RELN: variants seen among roughly 807,000 people sequenced by gnomAD.
RELN encodes reelin.
RELN carries 108 observed loss-of-function variants against 427.6 expected under a neutral mutation model. The observed-to-expected ratio is 0.25, with a 90% CI of 0.22 to 0.30. The LOEUF is 0.30. Ranked by LOEUF, RELN falls within the 10% of genes least tolerant of loss-of-function variation. The probability of loss-of-function intolerance (pLI) is 1.00; values close to 1 mark genes in which losing one functional copy is unlikely to be tolerated. For missense variants in RELN, 3,715 were observed against 4,302.8 expected, an observed-to-expected ratio of 0.86 and a Z score of 3.82; for synonymous variants, 1,524 against 1,513.4, an observed-to-expected ratio of 1.01 and a Z score of -0.16.
intron 17 of RELN, among the ~76,000 whole-genome samples, chr7:103,637,633 T>A (rs1309041844): frequency 1.3e-5 from 2 of 152,220 alleles, no homozygotes; most frequent in Admixed American, 1.3e-4. Flanking sequence ...TGTCTTGGTA[T>A]CTTAAGTAGC....
At position 103,651,794 on chromosome 7, in the gene RELN, T is replaced by C; in HGVS notation, c.1764-5A>G. Reference sequence around the variant, plus strand: ...GTAGAAAATTCCAAGCTGACACTAATAAAACCAGAACAAGCACACACAAAA... The same window carrying C: ...GTAGAAAATTCCAAGCTGACACTAACAAAACCAGAACAAGCACACACAAAA... On this transcript the variant is annotated splice_region_variant and splice_polypyrimidine_tract_variant and intron_variant, in intron 14 of 64. Coordinates refer to ENST00000428762, the MANE Select transcript of RELN (RefSeq NM_005045.4). 1 of 1,610,792 alleles carries C rather than the reference T, an allele frequency of 6.2e-7. No individual in the cohort carries two copies. Among genetic ancestry groups the C allele is most frequent in the Non-Finnish European group, 8.5e-7 (1 of 1,178,082 alleles).
chr7:103,594,876 T>A (rs1244923276), intron 25 of RELN, among the ~76,000 whole-genome samples: 1 of 152,210 alleles, frequency 6.6e-6, no homozygotes. Flanking sequence ...TTCTTTCTCA[T>A]TGTGGGAAAA....
At chr7:103,939,404 C>A (rs1200408006) in intron 1 of RELN, among the ~76,000 whole-genome samples, 1 of 151,884 alleles carries the variant, frequency 6.6e-6, no homozygotes, top group Non-Finnish European at 1.5e-5. Flanking sequence ...GAAAGAAAAT[C>A]CCAACAGTAG....
intron 33 of RELN, 60 bp downstream of exon 33, chr7:103,566,164 T>C: frequency 4.2e-6 from 6 of 1,426,246 alleles, no homozygotes; most frequent in South Asian, 2.3e-5. Context: ...TCCTGACTTT[T>C]AGTTAATTTA....
At chr7:103,553,418 A>C in intron 40 of RELN, 43 bp downstream of exon 40, 1 of 1,432,176 alleles carries the variant, frequency 7.0e-7, no homozygotes. Flanking sequence ...GGTTTTGTTC[A>C]ATATAAAATT....
At chr7:103,935,453 A>C (rs1419960333) in intron 1 of RELN, among the ~76,000 whole-genome samples, 1 of 151,634 alleles carries the variant, frequency 6.6e-6, no homozygotes. Context: ...ATAACTGGAA[A>C]TTCCTTCTTG....
At chr7:103,776,719 C>G in intron 3 of RELN, 92 bp from the exon 4 acceptor site, 1 of 1,253,276 alleles carries the variant, frequency 8.0e-7, no homozygotes, top group Non-Finnish European at 1.2e-6. Context: ...TATTCTTAAA[C>G]TTTATTGTGT....
chr7:103,939,713 A>G (rs1005265483), intron 1 of RELN, among the ~76,000 whole-genome samples: 3 of 152,236 alleles, frequency 2.0e-5, no homozygotes, highest in African/African-American at 7.2e-5. Context: ...ATTTACAGTA[A>G]TGAAAAACTG....
intron 1 of RELN, among the ~76,000 whole-genome samples, chr7:103,947,373 C>G (rs142131481): frequency 1.3e-5 from 2 of 152,094 alleles, no homozygotes; most frequent in African/African-American, 2.4e-5. Flanking sequence ...GAGGTAAACA[C>G]GTTAAAGTGA....
rs1793610390 is a variant in RELN, at chr7:103,843,726, T to C, written c.338-10054A>G. On this transcript the variant is annotated intron_variant, in intron 2 of 64. Transcript: ENST00000428762. Reference sequence around the variant, plus strand: ...ATGAGTGAGACATTTCTAAGTCAAATGCTGTTCTCCCAAGGGGCAAAGCCA... The same window carrying C: ...ATGAGTGAGACATTTCTAAGTCAAACGCTGTTCTCCCAAGGGGCAAAGCCA... Among the ~76,000 whole-genome samples the C allele has an allele frequency of 2.6e-5, 4 of 152,324 alleles. No homozygotes were observed. The South Asian group carries it at 8.3e-4, about 32-fold the overall frequency.
intron 1 of RELN, among the ~76,000 whole-genome samples, chr7:103,974,995 A>T (rs1796841734): frequency 6.6e-6 from 1 of 152,214 alleles, no homozygotes; most frequent in Admixed American, 6.5e-5. Flanking sequence ...GTTAAAGTAA[A>T]CTCATTCCAA....
At chr7:103,676,575 A>G (rs896004790) in intron 11 of RELN, among the ~76,000 whole-genome samples, 2 of 152,248 alleles carry the variant, frequency 1.3e-5, no homozygotes, top group Non-Finnish European at 1.5e-5. Context: ...ATGCTACTAT[A>G]CAGACACATG....
intron 50 of RELN, among the ~76,000 whole-genome samples, chr7:103,512,435 A>G (rs535099934): frequency 4.6e-5 from 7 of 152,278 alleles, no homozygotes; most frequent in African/African-American, 1.7e-4. Context: ...AGTATTCTGG[A>G]TAGATATTTC....
At chr7:103,958,097 T>G (rs1355460027) in intron 1 of RELN, among the ~76,000 whole-genome samples, 2 of 152,186 alleles carry the variant, frequency 1.3e-5, no homozygotes, top group Non-Finnish European at 2.9e-5. Flanking sequence ...TCTACCTCAC[T>G]GTGTTCATAC....
At chr7:103,856,376 C>A (rs1793944321) in intron 2 of RELN, among the ~76,000 whole-genome samples, 1 of 151,532 alleles carries the variant, frequency 6.6e-6, no homozygotes, top group African/African-American at 2.4e-5. Context: ...TCAAGACAAG[C>A]CTGACCAACA....
intron 61 of RELN, among the ~76,000 whole-genome samples, chr7:103,485,117 A>C (rs539523483): frequency 8.5e-5 from 13 of 152,110 alleles, no homozygotes; most frequent in Admixed American, 7.2e-4. Context: ...TGCATAAACT[A>C]ATTGAAAACA....
chr7:103,719,611 G>A (rs62482641), intron 8 of RELN, among the ~76,000 whole-genome samples: 91,856 of 151,958 alleles, frequency 0.6, 29,090 homozygotes, highest in African/African-American at 0.81. Flanking sequence ...AGACTGTGTG[G>A]TAGACACAAG....
chr7:103,680,549 T>C (rs1276924349), intron 11 of RELN, among the ~76,000 whole-genome samples: 2 of 151,954 alleles, frequency 1.3e-5, no homozygotes, highest in Admixed American at 1.3e-4. Flanking sequence ...ACTGGTGTGC[T>C]GGTGATCCTT....
At chr7:103,681,990 C>G (rs1293847279) in intron 11 of RELN, 126 bp downstream of exon 11, 2 of 958,858 alleles carry the variant, frequency 2.1e-6, no homozygotes, top group Non-Finnish European at 1.7e-6. Flanking sequence ...TTTGGCTTGT[C>G]TACGATAAGA....
Sources: allele counts gnomAD v4.1 joint callset (sites outside exome capture counted in the v4.1 genomes callset), GRCh38; gene constraint gnomAD v4.1.1; transcripts MANE v1.5; gene names NCBI Gene and HGNC (gene_info 2026-07-23, HGNC 2026-07-21).